Variants in DCDC1 observed in about 807,000 individuals in gnomAD.
DCDC1 encodes doublecortin domain-containing protein 1.
DCDC1 carries 200 observed loss-of-function variants against 178.3 expected under a neutral mutation model. The observed-to-expected ratio is 1.12, with a 90% CI of 1.00 to 1.26. DCDC1 has a LOEUF of 1.26. DCDC1 is among the 50% of genes most tolerant of loss of function. The pLI is 0.00. For synonymous variants in DCDC1, 690 were observed against 604.8 expected, an observed-to-expected ratio of 1.14 and a Z score of -2.07; for missense variants, 1,983 against 1,749.2, an observed-to-expected ratio of 1.13 and a Z score of -2.38.
intron 17 of DCDC1, among the ~76,000 whole-genome samples, chr11:31,079,149 C>A (rs1263748212): frequency 1.3e-5 from 2 of 152,096 alleles, no homozygotes; most frequent in African/African-American, 4.8e-5. Context: ...AATACTGGAA[C>A]TTTTAGTGTC....
At chr11:30,875,533 G>A (rs111239589) in intron 38 of DCDC1, among the ~76,000 whole-genome samples, 1,159 of 113,786 alleles carry the variant, frequency 0.01, 15 homozygotes, top group African/African-American at 0.037. Flanking sequence ...TTGATCATTC[G>A]CTTCCAAATG....
intron 20 of DCDC1, among the ~76,000 whole-genome samples, chr11:30,982,826 C>T (rs778186148): frequency 6.6e-6 from 1 of 152,078 alleles, no homozygotes; most frequent in Non-Finnish European, 1.5e-5. Flanking sequence ...TCCAATGCGG[C>T]CCCATACTGA....
chr11:31,290,745 T>A lies in DCDC1; in HGVS notation c.862A>T (p.Lys288Ter). 6.2e-7 allele frequency: 1 copy of A among 1,613,562 alleles called. No individual in the cohort carries two copies. The highest frequency in any genetic ancestry group is 8.5e-7 in the Non-Finnish European group (1 of 1,179,594). The change falls in exon 7 of 39, where the codon AAA (lysine) becomes TAA (stop). Residue 288 changes from lysine to a stop codon, truncating the protein, a stop_gained. Transcript: ENST00000684477. LOFTEE classifies it high-confidence loss of function. Reference protein sequence around the residue: ...TKPVLSIRMKKLTERTSVRIL... With the variant: ...TKPVLSIRMK Reference sequence around the variant, plus strand: ...CGGACTGAGGTCCTCTCAGTAAGTTTCTTCATTCTAATAGAAAGAACAGGC... The same window carrying A: ...CGGACTGAGGTCCTCTCAGTAAGTTACTTCATTCTAATAGAAAGAACAGGC...
intron 33 of DCDC1, 146 bp downstream of exon 33, chr11:30,900,200 T>C (rs1332069966): frequency 6.4e-6 from 5 of 779,750 alleles, no homozygotes; most frequent in Non-Finnish European, 9.1e-6. Context: ...CACATATTAG[T>C]TGATGAACCT....
chr11:31,285,837 C>T (rs1946779849), intron 7 of DCDC1, among the ~76,000 whole-genome samples: 1 of 151,722 alleles, frequency 6.6e-6, no homozygotes, highest in Non-Finnish European at 1.5e-5. Flanking sequence ...GTATTTTTTT[C>T]CTAAGCCAGA....
At chr11:31,139,382 T>C (rs942990793) in intron 9 of DCDC1, among the ~76,000 whole-genome samples, 2 of 152,170 alleles carry the variant, frequency 1.3e-5, no homozygotes, top group Non-Finnish European at 2.9e-5. Flanking sequence ...TAAGAAAACT[T>C]AAATATCAAG....
chr11:31,070,891 T>C (rs1334483280), intron 18 of DCDC1, among the ~76,000 whole-genome samples: 1 of 152,188 alleles, frequency 6.6e-6, no homozygotes, highest in East Asian at 1.9e-4. Context: ...CAGGCAAGTC[T>C]GCAGAATTTC....
chr11:31,077,562 G>T lies in DCDC1; in HGVS notation c.2298+303C>A, dbSNP rs78831342. On this transcript the variant is annotated intron_variant, in intron 18 of 38. Transcript: ENST00000684477. The stretch of plus-strand genomic sequence containing the variant: ...TGTTCAACAGTAGTAGATACTGATA[G>T]TTTCCCAAAGTACCAAATTCTTCAT... Among the ~76,000 whole-genome samples, 1,299 of 152,194 alleles carry T rather than the reference G, an allele frequency of 8.5e-3. 27 individuals are homozygous for T. Among genetic ancestry groups the T allele is most frequent in the African/African-American group, 0.029 (1,222 of 41,524 alleles).
chr11:30,914,632 C>CAAAA (rs11355322), intron 27 of DCDC1, among the ~76,000 whole-genome samples: 10 of 100,818 alleles, frequency 9.9e-5, no homozygotes, highest in East Asian at 2.9e-4. Flanking sequence ...CATATGCACC[C>CAAAA]AAAAAAAAAA....
intron 1 of DCDC1, among the ~76,000 whole-genome samples, chr11:31,364,046 C>T (rs1408435280): frequency 6.6e-6 from 1 of 152,140 alleles, no homozygotes; most frequent in African/African-American, 2.4e-5. Context: ...ACCATGCACT[C>T]TCTGAGGGTA....
In DCDC1 at chr11:31,328,135, A is replaced by T; in HGVS notation, c.146T>A (p.Ile49Asn). ...GNTVNPIYKY[I>N]LNDLPREFMS... ...TTCTTACCTTGGTAAATCATTCAAA[A>T]TATATTTGTAAATTGGGTTTACAGT... The change falls in exon 3 of 39, where the codon ATT becomes AAT. Residue 49 changes from isoleucine to asparagine, a missense_variant. Coordinates refer to ENST00000684477, the MANE Select transcript of DCDC1 (RefSeq NM_001387274.1). 6.2e-7 allele frequency: 1 copy of T among 1,605,698 alleles called. No individual in the cohort carries two copies.
At chr11:31,245,495 C>T (rs1410500716) in intron 8 of DCDC1, among the ~76,000 whole-genome samples, 1 of 151,550 alleles carries the variant, frequency 6.6e-6, no homozygotes, top group Non-Finnish European at 1.5e-5. Context: ...TGAATATACC[C>T]GAATTTCAAA....
At chr11:31,276,938 A>T (rs1460475927) in intron 7 of DCDC1, among the ~76,000 whole-genome samples, 1 of 152,140 alleles carries the variant, frequency 6.6e-6, no homozygotes, top group Non-Finnish European at 1.5e-5. Context: ...CCAGATTACA[A>T]TTCTAATCAT....
At chr11:31,242,497 C>A in intron 8 of DCDC1, among the ~76,000 whole-genome samples, 1 of 151,920 alleles carries the variant, frequency 6.6e-6, no homozygotes, top group Admixed American at 6.6e-5. Context: ...TGATATTTTT[C>A]TTTACTTGGT....
chr11:31,293,203 T>C (rs1947357775), intron 6 of DCDC1, among the ~76,000 whole-genome samples: 1 of 152,154 alleles, frequency 6.6e-6, no homozygotes, highest in Non-Finnish European at 1.5e-5. Context: ...CATTGGAGTA[T>C]ATTAATTGTT....
chr11:31,369,671 C>T (rs1390068188), intron 1 of DCDC1, 26 bp downstream of exon 1: 1 of 152,634 alleles, frequency 6.6e-6, no homozygotes, highest in African/African-American at 2.4e-5. Context: ...GCCAAAGGCG[C>T]CTTTCTTCAC....
rs529887210 is a variant in DCDC1, at chr11:31,054,829, A to G, written c.2591+9640T>C. On this transcript the variant is annotated intron_variant, in intron 20 of 38. Coordinates refer to ENST00000684477, the MANE Select transcript of DCDC1 (RefSeq NM_001387274.1). The stretch of plus-strand genomic sequence containing the variant: ...TCCTTATCTCTCATCTTATACAAAA[A>G]TCAACTCAAAATGGACTAAAGACTT... Among the ~76,000 whole-genome samples, 15 of 152,368 alleles carry G rather than the reference A, an allele frequency of 9.8e-5. No individual in the cohort carries two copies. In the South Asian group the frequency reaches 3.1e-3, roughly 32 times the overall value.
chr11:31,293,268 A>G (rs1414494559), intron 6 of DCDC1, among the ~76,000 whole-genome samples: 1 of 152,196 alleles, frequency 6.6e-6, no homozygotes, highest in Non-Finnish European at 1.5e-5. Context: ...ATTTGAGCAG[A>G]GGAAACTGAC....
intron 18 of DCDC1, among the ~76,000 whole-genome samples, chr11:31,066,440 A>G (rs1340172242): frequency 6.6e-6 from 1 of 152,212 alleles, no homozygotes; most frequent in Middle Eastern, 3.2e-3. Context: ...ATTATAATAT[A>G]AACTCCTTAC....
Sources: gnomAD v4.1 joint callset for allele counts (sites outside exome capture counted in the v4.1 genomes callset) on GRCh38, gnomAD v4.1.1 for gene constraint, MANE v1.5 for transcripts, NCBI Gene and HGNC (gene_info 2026-07-23, HGNC 2026-07-21) for gene names.